The following FRK variants were observed in gnomAD, a reference collection of about 807,000 sequenced individuals.
FRK encodes tyrosine-protein kinase FRK.
Under a neutral mutation model 56.4 loss-of-function variants are expected in FRK, and 51 were observed. That is an observed-to-expected ratio of 0.90 (90% CI 0.72 to 1.14). The LOEUF is 1.14. FRK is among the 50% of genes most tolerant of loss of function. The pLI, the probability that FRK is intolerant of heterozygous loss-of-function variation, is 0.00. For synonymous variants in FRK, 245 were observed against 217.9 expected, an observed-to-expected ratio of 1.12 and a Z score of -1.10; for missense variants, 570 against 601.4, an observed-to-expected ratio of 0.95 and a Z score of 0.55.
intron 3 of FRK, among the ~76,000 whole-genome samples, chr6:115,968,217 T>C (rs532634150): frequency 6.6e-6 from 1 of 152,342 alleles, no homozygotes; most frequent in East Asian, 1.9e-4. Flanking sequence ...TAAAATTGTT[T>C]TAAGAATTGA....
intron 2 of FRK, among the ~76,000 whole-genome samples, chr6:115,992,618 A>T (rs1247170356): frequency 6.6e-6 from 1 of 151,880 alleles, no homozygotes; most frequent in African/African-American, 2.4e-5. Context: ...TATAAAGAAA[A>T]CACTTCAACA....
chr6:116,038,750 A>C (rs546678845), intron 1 of FRK: 2 of 483,390 alleles, frequency 4.1e-6, no homozygotes, highest in South Asian at 1.6e-5. Flanking sequence ...CCTCAGCTCC[A>C]GCGCCATGGC....
intron 2 of FRK, among the ~76,000 whole-genome samples, chr6:115,991,665 T>G (rs1342885216): frequency 6.6e-6 from 1 of 151,870 alleles, no homozygotes; most frequent in Non-Finnish European, 1.5e-5. Context: ...ACTGTTGAAT[T>G]CAGTTTGCTA....
At chr6:116,028,548 T>A (rs1289828224) in intron 1 of FRK, among the ~76,000 whole-genome samples, 1 of 152,130 alleles carries the variant, frequency 6.6e-6, no homozygotes, top group Non-Finnish European at 1.5e-5. Context: ...TGAGGGAAAA[T>A]CTGTTCCATG....
chr6:116,002,626 T>C (rs753161171), intron 2 of FRK: 6 of 440,262 alleles, frequency 1.4e-5, no homozygotes, highest in Admixed American at 4.8e-5. Flanking sequence ...AAAATGGTAA[T>C]TGACACATCA....
At chr6:115,953,479 G>A (rs112999559) in intron 5 of FRK, among the ~76,000 whole-genome samples, 106 of 152,222 alleles carry the variant, frequency 7.0e-4, no homozygotes, top group African/African-American at 2.4e-3. Context: ...GTGAGCCACC[G>A]CGCCCGGCCC....
intron 5 of FRK, among the ~76,000 whole-genome samples, chr6:115,954,067 A>G (rs1212316590): frequency 1.3e-5 from 2 of 152,338 alleles, no homozygotes; most frequent in Middle Eastern, 3.4e-3. Context: ...CCAGTGAAAC[A>G]CTCACCAAGA....
chr6:116,088,898 G>C, the FRK span, among the ~76,000 whole-genome samples: 2 of 152,234 alleles, frequency 1.3e-5, no homozygotes, highest in African/African-American at 4.8e-5. Context: ...ACTTAAGACT[G>C]AGCCATGGGG....
chr6:116,035,095 A>G (rs1330022528), intron 1 of FRK, among the ~76,000 whole-genome samples: 1 of 152,020 alleles, frequency 6.6e-6, no homozygotes, highest in Non-Finnish European at 1.5e-5. Flanking sequence ...GGGGGATCAG[A>G]GAGAGAAGAA....
intron 2 of FRK, among the ~76,000 whole-genome samples, chr6:115,985,781 T>C (rs964921814): frequency 7.0e-4 from 106 of 152,076 alleles, no homozygotes; most frequent in African/African-American, 2.2e-3. Context: ...AACTATTTTA[T>C]AGATGATGAA....
chr6:116,048,316 C>A (rs1170189318), intron 1 of FRK, among the ~76,000 whole-genome samples: 1 of 152,200 alleles, frequency 6.6e-6, no homozygotes, highest in East Asian at 1.9e-4. Flanking sequence ...ACCATTCCTT[C>A]CTTGTCTGCT....
At chr6:116,083,490 A>T in the FRK span, among the ~76,000 whole-genome samples, 2 of 152,252 alleles carry the variant, frequency 1.3e-5, no homozygotes, top group African/African-American at 4.8e-5. Context: ...GAGAGGATGC[A>T]TAAGTCTAGT....
In FRK at chr6:115,953,180, A is replaced by ACTTTTTTTTTTTTTTTTTTTTTTTTTTTT. The variant is rs34026302; in HGVS notation, c.958+3271_958+3272insAAAAAAAAAAAAAAAAAAAAAAAAAAAAG. On this transcript the variant is annotated intron_variant, in intron 5 of 7. Coordinates refer to ENST00000606080, the MANE Select transcript of FRK (RefSeq NM_002031.3). ...AGAGTGGTACATCCATTTTAAGGCC[A>ACTTTTTTTTTTTTTTTTTTTTTTTTTTTT]TTTTTTTTTTTTTTTTTTTTTTTTT... is the stretch of plus-strand genomic sequence containing the variant. 1.9e-5 allele frequency among the ~76,000 whole-genome samples: 2 copies of ACTTTTTTTTTTTTTTTTTTTTTTTTTTTT among 104,032 alleles called. 1 individual carries two copies. The allele number at this position is 104,032 out of a possible 152,430, so 68.2% of individuals were successfully genotyped here.
chr6:115,947,235 T>C (rs956414133), intron 5 of FRK, among the ~76,000 whole-genome samples: 6 of 152,100 alleles, frequency 3.9e-5, no homozygotes, highest in East Asian at 1.9e-4. Context: ...TGTATAATTA[T>C]GTGTTTTCTA....
intron 1 of FRK, among the ~76,000 whole-genome samples, chr6:116,006,393 A>C (rs1775248476): frequency 6.6e-6 from 1 of 152,244 alleles, no homozygotes; most frequent in South Asian, 2.1e-4. Flanking sequence ...GGTATTGAGG[A>C]AAATGTGAAA....
At chr6:116,049,949 A>C (rs1395400769) in intron 1 of FRK, among the ~76,000 whole-genome samples, 1 of 152,118 alleles carries the variant, frequency 6.6e-6, no homozygotes, top group African/African-American at 2.4e-5. Context: ...ATCAGGACTG[A>C]TCTCTTCTAT....
chr6:115,946,676 G>C (rs1256508292), intron 5 of FRK, among the ~76,000 whole-genome samples: 1 of 152,096 alleles, frequency 6.6e-6, no homozygotes, highest in Non-Finnish European at 1.5e-5. Context: ...GAGATTGCTA[G>C]GAAATGACAG....
intron 1 of FRK, among the ~76,000 whole-genome samples, chr6:116,016,697 A>G (rs1245857277): frequency 6.6e-6 from 1 of 152,152 alleles, no homozygotes; most frequent in African/African-American, 2.4e-5. Flanking sequence ...AGGTCAGAAC[A>G]AGCACACACG....
chr6:115,988,340 T>C (rs3798237), intron 2 of FRK, among the ~76,000 whole-genome samples: 6,783 of 152,124 alleles, frequency 0.045, 349 homozygotes, highest in Admixed American at 0.15. Context: ...TATCACCATA[T>C]AAAAACTAGG....
Sources: allele counts gnomAD v4.1 joint callset (sites outside exome capture counted in the v4.1 genomes callset), GRCh38; gene constraint gnomAD v4.1.1; transcripts MANE v1.5; gene names NCBI Gene and HGNC (gene_info 2026-07-23, HGNC 2026-07-21).